KIAA2012: variants seen among roughly 807,000 people sequenced by gnomAD.
The protein encoded by KIAA2012 is KIAA2012, also known as uncharacterized protein KIAA2012.
A neutral mutation model predicts 150.6 loss-of-function variants in KIAA2012; 125 were observed. The observed-to-expected ratio is 0.83, with a 90% CI of 0.72 to 0.96. KIAA2012 has a LOEUF of 0.96. Ranked by LOEUF, KIAA2012 falls within the 40% of genes least tolerant of loss-of-function variation. The probability of loss-of-function intolerance (pLI) is 0.00; values close to 1 mark genes in which losing one functional copy is unlikely to be tolerated. For synonymous variants in KIAA2012, 462 were observed against 504.7 expected (o/e 0.92, Z 1.13); for missense variants, 1,219 against 1,354.9 (o/e 0.90, Z 1.57).
chr2:202,167,662 C>A (rs1409608024), intron 15 of KIAA2012, among the ~76,000 whole-genome samples: 1 of 151,940 alleles, frequency 6.6e-6, no homozygotes, highest in Non-Finnish European at 1.5e-5. Flanking sequence ...CTCCCCATGC[C>A]CTGCATCTCG....
intron 15 of KIAA2012, 70 bp downstream of exon 15, chr2:202,165,426 AG>A: frequency 4.8e-6 from 7 of 1,455,786 alleles, no homozygotes; most frequent in Non-Finnish European, 6.6e-6. Flanking sequence ...CACTGTTAAA[AG>A]ATGTTAATGG....
rs1333215743 is a variant in KIAA2012 at position 202,196,795 on chromosome 2, T to C, written c.3188-5T>C. On this transcript the variant is annotated splice_polypyrimidine_tract_variant and splice_region_variant and intron_variant, in intron 21 of 23. Transcript: ENST00000498697. Reference sequence around the variant, plus strand: ...GCTGAGCCCACCCCCTTTTCTATTCTGCAGAGGCAGAGAAGCAAAGGCAAG... The same window carrying C: ...GCTGAGCCCACCCCCTTTTCTATTCCGCAGAGGCAGAGAAGCAAAGGCAAG... 6.5e-7 allele frequency: 1 copy of C among 1,550,120 alleles called. No individual in the cohort carries two copies. The highest frequency in any genetic ancestry group is 8.7e-7 in the Non-Finnish European group (1 of 1,146,794).
In KIAA2012 at chr2:202,118,719, T is replaced by C. The variant is rs527592656; in HGVS notation, c.1762+5273T>C. 2.6e-5 allele frequency among the ~76,000 whole-genome samples: 4 copies of C among 152,286 alleles called. No homozygotes were observed. The South Asian group carries it at 8.3e-4, about 32-fold the overall frequency. On this transcript the variant is annotated intron_variant, in intron 11 of 23. Transcript: ENST00000498697. ...CACGTACCACAGTGTTGAGAGATTGTAGAAGGGCAGGCTGTGATAGCTGCA... is the reference window on the plus strand; with the variant it reads ...CACGTACCACAGTGTTGAGAGATTGCAGAAGGGCAGGCTGTGATAGCTGCA...
chr2:202,130,915 C>CA (rs200033102), intron 12 of KIAA2012, among the ~76,000 whole-genome samples: 19,586 of 150,982 alleles, frequency 0.13, 1,618 homozygotes, highest in Non-Finnish European at 0.17. Flanking sequence ...GACTCCATCT[C>CA]AAAAATAAAT....
At chr2:202,099,886 T>C in intron 6 of KIAA2012, 90 bp downstream of exon 6, 6 of 1,109,838 alleles carry the variant, frequency 5.4e-6, no homozygotes, top group Non-Finnish European at 6.3e-6. Context: ...AAACATCACT[T>C]CCTTGCGCCA....
At chr2:202,110,046 A>G (rs16838852) in intron 10 of KIAA2012, among the ~76,000 whole-genome samples, 4,766 of 152,290 alleles carry the variant, frequency 0.031, 241 homozygotes, top group African/African-American at 0.11. Context: ...TGGCAGCAGC[A>G]TTTGATGACA....
chr2:202,104,934 CA>C lies in KIAA2012; in HGVS notation c.1325-826del, dbSNP rs1287931009. On this transcript the variant is annotated intron_variant, in intron 8 of 23. Transcript: ENST00000498697. The surrounding 1 kb of genome is among the most constrained non-coding windows in gnomAD (Gnocchi z 4.3). Reference sequence around the variant, plus strand: ...CTGATAGGAAGGTGAGGAAAACCACCAGGCCATCATGAACCAGATTCTTAAA... The same window carrying C: ...CTGATAGGAAGGTGAGGAAAACCACCGGCCATCATGAACCAGATTCTTAAA... Among the ~76,000 whole-genome samples, 1 of 152,140 alleles carries C rather than the reference CA, an allele frequency of 6.6e-6. No homozygotes were observed. The highest frequency in any genetic ancestry group is 1.5e-5 in the Non-Finnish European group (1 of 68,028).
chr2:202,121,470 G>A (rs989994143), intron 11 of KIAA2012, among the ~76,000 whole-genome samples: 3 of 152,162 alleles, frequency 2.0e-5, no homozygotes, highest in Non-Finnish European at 2.9e-5. Context: ...CATTACATGT[G>A]TGTTTGACTC....
Position 202,125,280 on chromosome 2 carries a change from A to C in KIAA2012, c.1829A>C (p.Lys610Thr), listed in dbSNP as rs1172860996. 1 of 1,549,458 alleles carries C rather than the reference A, an allele frequency of 6.5e-7. No homozygotes were observed. Among genetic ancestry groups the C allele is most frequent in the South Asian group, 1.2e-5 (1 of 83,882 alleles). Residue 610 changes from lysine (K) to threonine (T), a missense_variant and splice_region_variant, in exon 12 of 24, where the codon AAA becomes ACA. Coordinates refer to ENST00000498697, the MANE Select transcript of KIAA2012 (RefSeq NM_001277372.4). ...EEGPSSQHFL[K>T]ANTEPRANLH... The stretch of plus-strand genomic sequence containing the variant: ...GGGCCTAGTAGTCAGCATTTCCTAA[A>C]AGGTAAGCTTTTCCACTAAAAAGTC...
At chr2:202,079,398 C>T (rs1201303547) in intron 2 of KIAA2012, among the ~76,000 whole-genome samples, 3 of 152,154 alleles carry the variant, frequency 2.0e-5, no homozygotes, top group Non-Finnish European at 4.4e-5. Context: ...GTGCTGCTCA[C>T]GGAAGGATCT....
intron 22 of KIAA2012, chr2:202,197,235 T>C: frequency 1.4e-6 from 1 of 731,060 alleles, no homozygotes; most frequent in Non-Finnish European, 2.2e-6. Flanking sequence ...CAAGGGAGTT[T>C]GGAGATATCT....
At chr2:202,090,235 T>C (rs935965527) in intron 2 of KIAA2012, among the ~76,000 whole-genome samples, 5 of 149,244 alleles carry the variant, frequency 3.4e-5, no homozygotes, top group Non-Finnish European at 5.9e-5. Context: ...CTATGATGTC[T>C]TGCACAGTGG....
At chr2:202,183,214 G>C (rs1180668128) in intron 15 of KIAA2012, among the ~76,000 whole-genome samples, 1 of 152,068 alleles carries the variant, frequency 6.6e-6, no homozygotes, top group Non-Finnish European at 1.5e-5. Context: ...GAGCCCAGAA[G>C]TTCGAGACCA....
At chr2:202,184,897 A>G in intron 16 of KIAA2012, 54 bp downstream of exon 16, 1 of 1,440,944 alleles carries the variant, frequency 6.9e-7, no homozygotes, top group Non-Finnish European at 9.4e-7. Context: ...TTTTGTTTGT[A>G]TTTTTAATTG....
intron 2 of KIAA2012, among the ~76,000 whole-genome samples, chr2:202,084,640 C>A (rs1345435652): frequency 6.6e-6 from 1 of 152,134 alleles, no homozygotes; most frequent in Non-Finnish European, 1.5e-5. Flanking sequence ...TCCAGAAACT[C>A]CCTCCCTGGC....
intron 15 of KIAA2012, among the ~76,000 whole-genome samples, chr2:202,173,484 G>A (rs375182125): frequency 3.3e-5 from 5 of 152,186 alleles, no homozygotes; most frequent in South Asian, 2.1e-4. Flanking sequence ...CAGGAGAATC[G>A]CTTGAACCCG....
chr2:202,165,063 C>T (rs1024027694), intron 14 of KIAA2012, among the ~76,000 whole-genome samples: 5 of 152,008 alleles, frequency 3.3e-5, no homozygotes, highest in African/African-American at 1.2e-4. Context: ...GCTGAGACTA[C>T]AGGTGCATAT....
At chr2:202,202,767 A>C (rs1012908420) in intron 23 of KIAA2012, among the ~76,000 whole-genome samples, 180 bp downstream of exon 23, 38 of 151,986 alleles carry the variant, frequency 2.5e-4, no homozygotes, top group African/African-American at 8.9e-4. Context: ...CATCTTTATA[A>C]AAAAACATTT....
intron 20 of KIAA2012, 128 bp downstream of exon 20, chr2:202,193,631 A>T (rs1692359518): frequency 2.2e-6 from 2 of 893,342 alleles, no homozygotes; most frequent in East Asian, 5.3e-5. Context: ...AGCATGTGTC[A>T]TTTTTCTCTA....
Sources: allele counts gnomAD v4.1 joint callset (sites outside exome capture counted in the v4.1 genomes callset), GRCh38; gene constraint gnomAD v4.1.1; non-coding constraint Gnocchi (gnomAD v3.1); transcripts MANE v1.5; gene names NCBI Gene and HGNC (gene_info 2026-07-23, HGNC 2026-07-21).